Variants in SPATA13 observed in about 807,000 individuals in gnomAD.
SPATA13 encodes spermatogenesis associated 13.
In SPATA13, 50 loss-of-function variants were observed where a neutral mutation model predicts 104.0. That is an observed-to-expected ratio of 0.48 (90% CI 0.38 to 0.61). The LOEUF (loss-of-function observed/expected upper bound fraction) is 0.61, where lower values mean the gene tolerates loss of function less well. Among genes scored for constraint, SPATA13 ranks in the 20% least tolerant of loss-of-function variants. SPATA13 has a pLI of 0.00. For missense variants in SPATA13, 1,524 were observed against 1,690.6 expected, an observed-to-expected ratio of 0.90 and a Z score of 1.73; for synonymous variants, 606 against 667.5, an observed-to-expected ratio of 0.91 and a Z score of 1.42.
chr13:24,240,254 G>A (rs1310260051), intron 2 of SPATA13, among the ~76,000 whole-genome samples: 1 of 149,890 alleles, frequency 6.7e-6, no homozygotes, highest in Non-Finnish European at 1.5e-5. Context: ...GTGAGAACCT[G>A]TCTTTAAAAA....
chr13:24,296,386 A>G (rs767872007), intron 10 of SPATA13, among the ~76,000 whole-genome samples: 25 of 152,380 alleles, frequency 1.6e-4, no homozygotes, highest in Admixed American at 6.5e-4. Context: ...CCATTGTCAT[A>G]CCAAATACCA....
chr13:24,128,951 G>A (rs749631977), intron 3 of SPATA13, among the ~76,000 whole-genome samples: 1 of 152,066 alleles, frequency 6.6e-6, no homozygotes, highest in South Asian at 2.1e-4. Flanking sequence ...TCCACTAAAG[G>A]CTTAGTAGAA....
chr13:24,017,995 A>G lies in SPATA13; in HGVS notation c.-112+294A>G, dbSNP rs539312344. On this transcript the variant is annotated intron_variant, in intron 3 of 14. Coordinates refer to the SPATA13 transcript ENST00000424834. Reference sequence around the variant, plus strand: ...TCATTAATATGCACTATTGCTACTAAATGTTCTGCTAGTGTGGCCAATCCA... The same window carrying G: ...TCATTAATATGCACTATTGCTACTAGATGTTCTGCTAGTGTGGCCAATCCA... Among the ~76,000 whole-genome samples, 3 of 152,314 alleles carry G rather than the reference A, an allele frequency of 2.0e-5. No individual in the cohort carries two copies. The East Asian group carries it at 5.8e-4, about 29-fold the overall frequency.
intron 3 of SPATA13, among the ~76,000 whole-genome samples, chr13:24,125,864 G>A (rs73461012): frequency 0.02 from 3,073 of 152,288 alleles, 80 homozygotes; most frequent in African/African-American, 0.059. Flanking sequence ...AACTGGAAGA[G>A]TAAGGAAAAG....
At chr13:24,250,331 A>G (rs1873411071) in intron 3 of SPATA13, among the ~76,000 whole-genome samples, 1 of 152,160 alleles carries the variant, frequency 6.6e-6, no homozygotes, top group African/African-American at 2.4e-5. Flanking sequence ...TGCAACTATT[A>G]ATAGTTTGAC....
At chr13:24,228,831 T>C (rs1051476720) in intron 2 of SPATA13, among the ~76,000 whole-genome samples, 7 of 152,212 alleles carry the variant, frequency 4.6e-5, no homozygotes, top group African/African-American at 1.4e-4. Flanking sequence ...AAATAAATAT[T>C]ATAATGTACT....
chr13:24,058,824 A>C (rs1186792114), intron 3 of SPATA13, among the ~76,000 whole-genome samples: 1 of 151,742 alleles, frequency 6.6e-6, no homozygotes, highest in East Asian at 1.9e-4. Flanking sequence ...AACTTTCCAG[A>C]GTGTCTTCAA....
intron 3 of SPATA13, among the ~76,000 whole-genome samples, chr13:24,101,635 A>G (rs1234393512): frequency 2.0e-5 from 3 of 152,064 alleles, no homozygotes; most frequent in African/African-American, 7.2e-5. Context: ...TGAACAACTC[A>G]TTTCCCCCTT....
intron 3 of SPATA13, among the ~76,000 whole-genome samples, chr13:24,063,141 A>G (rs888109026): frequency 6.6e-6 from 1 of 151,864 alleles, no homozygotes; most frequent in African/African-American, 2.4e-5. Context: ...CCCAGTGCTC[A>G]CCATGCACTG....
intron 12 of SPATA13, among the ~76,000 whole-genome samples, chr13:24,301,105 C>T (rs1271550657): frequency 6.6e-6 from 1 of 152,080 alleles, no homozygotes; most frequent in Non-Finnish European, 1.5e-5. Context: ...ACAAATCTGG[C>T]CCAACAGGAT....
chr13:24,027,647 G>A (rs1024979469), intron 3 of SPATA13, among the ~76,000 whole-genome samples: 1 of 152,058 alleles, frequency 6.6e-6, no homozygotes, highest in Non-Finnish European at 1.5e-5. Flanking sequence ...TTAATGTTCA[G>A]TTCTTCTTTT....
intron 2 of SPATA13, among the ~76,000 whole-genome samples, chr13:24,003,450 C>T (rs1163093711): frequency 1.3e-5 from 2 of 152,124 alleles, no homozygotes; most frequent in African/African-American, 4.8e-5. Context: ...TCATGAGGAA[C>T]CTGAATTAAG....
At chr13:24,132,877 G>A (rs1881431651) in intron 3 of SPATA13, among the ~76,000 whole-genome samples, 1 of 152,158 alleles carries the variant, frequency 6.6e-6, no homozygotes, top group South Asian at 2.1e-4. Flanking sequence ...AGTATGATGA[G>A]GGCACGAGAA....
intron 3 of SPATA13, among the ~76,000 whole-genome samples, chr13:24,021,080 G>A (rs1164244969): frequency 6.6e-6 from 1 of 152,200 alleles, no homozygotes; most frequent in East Asian, 1.9e-4. Context: ...ACATGTGCAT[G>A]TCTGTGTGTG....
intron 2 of SPATA13, among the ~76,000 whole-genome samples, chr13:24,228,480 T>C (rs1164152503): frequency 3.3e-5 from 5 of 152,226 alleles, no homozygotes; most frequent in African/African-American, 1.2e-4. Flanking sequence ...ACTTATACAT[T>C]GCATCTTATA....
chr13:24,228,289 A>AT (rs1387348414), intron 2 of SPATA13, among the ~76,000 whole-genome samples: 3 of 151,300 alleles, frequency 2.0e-5, no homozygotes, highest in African/African-American at 4.9e-5. Context: ...CATGTTTTCT[A>AT]TTTTTTTAGT....
chr13:24,300,664 T>G (rs1015121822), intron 12 of SPATA13, 189 bp downstream of exon 12: 6 of 597,748 alleles, frequency 1.0e-5, no homozygotes, highest in African/African-American at 1.9e-5. Context: ...TGTGCGTCAG[T>G]GTTTGCTTCC....
intron 2 of SPATA13, among the ~76,000 whole-genome samples, chr13:23,999,539 C>CAG (rs1875858322): frequency 6.6e-6 from 1 of 152,132 alleles, no homozygotes. Flanking sequence ...TTTAAGTGTA[C>CAG]AGACCTTGAC....
At chr13:24,171,381 G>A (rs1882960311) in intron 1 of SPATA13, among the ~76,000 whole-genome samples, 1 of 152,182 alleles carries the variant, frequency 6.6e-6, no homozygotes, top group Non-Finnish European at 1.5e-5. Flanking sequence ...AGGGTGGAGT[G>A]AGGAGAACTG....
Sources: allele counts gnomAD v4.1 joint callset (sites outside exome capture counted in the v4.1 genomes callset), GRCh38; gene constraint gnomAD v4.1.1; transcripts MANE v1.5; gene names NCBI Gene and HGNC (gene_info 2026-07-23, HGNC 2026-07-21).